SPTBN1: variants seen among roughly 807,000 people sequenced by gnomAD.
The protein encoded by SPTBN1 is spectrin beta chain, non-erythrocytic 1.
Under a neutral mutation model 266.4 loss-of-function variants are expected in SPTBN1, and 32 were observed. The observed-to-expected ratio is 0.12, with a 90% CI of 0.09 to 0.16. The LOEUF is 0.16. Among genes scored for constraint, SPTBN1 ranks in the 10% least tolerant of loss-of-function variants. The pLI is 1.00. For synonymous variants in SPTBN1, 1,336 were observed against 1,162.2 expected (o/e 1.15, Z -3.04); for missense variants, 2,296 against 3,067.1 (o/e 0.75, Z 5.94).
intron 2 of SPTBN1, among the ~76,000 whole-genome samples, chr2:54,547,873 G>T (rs573903887): frequency 1.3e-5 from 2 of 152,316 alleles, no homozygotes; most frequent in Admixed American, 6.5e-5. Flanking sequence ...GGCCAGGCGT[G>T]GTGGCTCACA....
At chr2:54,475,746 T>C (rs1327085520) in intron 1 of SPTBN1, among the ~76,000 whole-genome samples, 1 of 152,236 alleles carries the variant, frequency 6.6e-6, no homozygotes, top group Non-Finnish European at 1.5e-5. Context: ...GTGAAAAGAA[T>C]ACAGCCATCG....
chr2:54,633,702 T>C (rs1334242455), intron 17 of SPTBN1, among the ~76,000 whole-genome samples: 1 of 152,206 alleles, frequency 6.6e-6, no homozygotes, highest in Non-Finnish European at 1.5e-5. Flanking sequence ...TTTCTGCCTC[T>C]CTTCTGGCCT....
chr2:54,615,194 A>G (rs1677519459), intron 4 of SPTBN1, among the ~76,000 whole-genome samples: 2 of 152,172 alleles, frequency 1.3e-5, no homozygotes, highest in South Asian at 2.1e-4. Context: ...GAAAGTTTCT[A>G]ACTTTTTAAT....
intron 1 of SPTBN1, among the ~76,000 whole-genome samples, chr2:54,499,830 T>C (rs1307171780): frequency 6.6e-6 from 1 of 152,208 alleles, no homozygotes; most frequent in African/African-American, 2.4e-5. Context: ...TAGTACATAA[T>C]AATAAAACCC....
chr2:54,518,210 A>T (rs1670222836), intron 1 of SPTBN1, among the ~76,000 whole-genome samples: 1 of 151,890 alleles, frequency 6.6e-6, no homozygotes, highest in African/African-American at 2.4e-5. Flanking sequence ...ATTAAGAAAC[A>T]GTGGTTTCTT....
intron 2 of SPTBN1, among the ~76,000 whole-genome samples, chr2:54,559,713 GA>G (rs1673151663): frequency 6.6e-6 from 1 of 152,176 alleles, no homozygotes; most frequent in Non-Finnish European, 1.5e-5. Flanking sequence ...GTTCCTAACT[GA>G]AAACAGAACT....
Position 54,668,625 on chromosome 2 carries a change from GC to G in SPTBN1, c.*57del, listed in dbSNP as rs1271166109. 1 of 1,493,486 alleles carries G rather than the reference GC, an allele frequency of 6.7e-7. No individual in the cohort carries two copies. The highest frequency in any genetic ancestry group is 9.1e-7 in the Non-Finnish European group (1 of 1,100,666). 92.5% of individuals were successfully genotyped at this position (1,493,486 alleles called of 1,614,324 possible). Reference sequence around the variant, plus strand: ...TACCTTTTCAGTGAAATTCCAGCATGCAAGCTCAGAACCAACACATTACTCT... The same window carrying G: ...TACCTTTTCAGTGAAATTCCAGCATGAAGCTCAGAACCAACACATTACTCT... On this transcript the variant is annotated 3_prime_UTR_variant, in exon 36 of 36. Coordinates refer to ENST00000356805, the MANE Select transcript of SPTBN1 (RefSeq NM_003128.3).
At chr2:54,504,840 G>A (rs996082031) in intron 1 of SPTBN1, among the ~76,000 whole-genome samples, 1 of 152,106 alleles carries the variant, frequency 6.6e-6, no homozygotes, top group Non-Finnish European at 1.5e-5. Context: ...AAAGTAATTG[G>A]TTTAGTGATA....
chr2:54,487,948 G>C (rs1403617770), intron 1 of SPTBN1, among the ~76,000 whole-genome samples: 8 of 147,882 alleles, frequency 5.4e-5, no homozygotes, highest in African/African-American at 1.8e-4. Context: ...TCCTGCCTCA[G>C]CCTCCCAAGT....
chr2:54,633,466 C>T (rs539432482), intron 17 of SPTBN1, among the ~76,000 whole-genome samples: 37 of 151,492 alleles, frequency 2.4e-4, no homozygotes, highest in Admixed American at 2.3e-3. Context: ...ATTTCCTCCC[C>T]GGCTGGAGGC....
chr2:54,529,641 C>T (rs774239969), intron 2 of SPTBN1: 1 of 721,562 alleles, frequency 1.4e-6, no homozygotes, highest in Admixed American at 1.7e-5. Context: ...CTTGTGTTCA[C>T]TGTGGATGTT....
chr2:54,665,777 A>G (rs1681325998), intron 33 of SPTBN1, 138 bp from the exon 34 acceptor site: 3 of 1,014,576 alleles, frequency 3.0e-6, no homozygotes, highest in Non-Finnish European at 4.3e-6. Flanking sequence ...AAGGGCTTGT[A>G]ATAAGGAAGG....
rs761760096 is a variant in SPTBN1 at position 54,599,147 on chromosome 2, T to C, written c.204T>C (p.Leu68=). 2.0e-5 allele frequency: 33 copies of C among 1,614,102 alleles called. No individual in the cohort carries two copies. The highest frequency in any genetic ancestry group is 2.6e-5 in the Non-Finnish European group (31 of 1,180,050). ...KTFTKWVNSH[L]ARVSCRITDL... ...TCACCAAGTGGGTCAATTCCCACCT[T>C]GCCCGTGTGTCCTGCCGGATCACAG... The change falls in exon 3 of 36, where the codon CTT becomes CTC. Residue 68 remains leucine (L), a synonymous_variant. Coordinates refer to ENST00000356805, the MANE Select transcript of SPTBN1 (RefSeq NM_003128.3).
Position 54,649,443 on chromosome 2 carries a change from A to G in SPTBN1, c.5203-172A>G, listed in dbSNP as rs1484621214. 4 of 1,142,972 alleles carry G rather than the reference A, an allele frequency of 3.5e-6. No individual in the cohort carries two copies. The highest frequency in any genetic ancestry group is 2.4e-6 in the Non-Finnish European group (2 of 827,550). 70.8% of individuals were successfully genotyped at this position (1,142,972 alleles called of 1,614,324 possible). A position where few individuals can be genotyped will look rare whatever the true frequency, so the allele number is the denominator to read the frequency against. On this transcript the variant is annotated intron_variant, in intron 25 of 35. Transcript: ENST00000356805. The surrounding 1 kb of genome is among the most constrained non-coding windows in gnomAD (Gnocchi z 6.7). ...CTCACTCTGCTGCAGTGAGCAAGAA[A>G]GGAAACCCAGTTGCTAAGAGGTTCT...
intron 2 of SPTBN1, among the ~76,000 whole-genome samples, chr2:54,560,759 G>C (rs945543000): frequency 2.0e-5 from 3 of 152,096 alleles, no homozygotes; most frequent in Non-Finnish European, 4.4e-5. Flanking sequence ...TTTAGTGTTG[G>C]TATTTCTGTA....
intron 10 of SPTBN1, among the ~76,000 whole-genome samples, chr2:54,624,028 A>G (rs907430648): frequency 3.3e-5 from 5 of 152,274 alleles, no homozygotes; most frequent in African/African-American, 1.2e-4. Context: ...CATGCCTATT[A>G]TGCCTGCAGT....
At chr2:54,603,965 T>C (rs72920540) in intron 3 of SPTBN1, among the ~76,000 whole-genome samples, 6,869 of 152,324 alleles carry the variant, frequency 0.045, 405 homozygotes, top group African/African-American at 0.13. Context: ...TCCTCTGTCC[T>C]GCAACACCCT....
chr2:54,660,849 T>C (rs1680988698), intron 32 of SPTBN1: 2 of 985,466 alleles, frequency 2.0e-6, no homozygotes, highest in South Asian at 4.7e-5. Context: ...TGCTGGCACG[T>C]GGGACGCGGC....
intron 2 of SPTBN1, among the ~76,000 whole-genome samples, chr2:54,561,000 A>AT (rs1673259399): frequency 6.6e-6 from 1 of 152,186 alleles, no homozygotes; most frequent in African/African-American, 2.4e-5. Context: ...ATTATCACAT[A>AT]TTTTTGATAA....
Sources: gnomAD v4.1 joint callset for allele counts (sites outside exome capture counted in the v4.1 genomes callset) on GRCh38, gnomAD v4.1.1 for gene constraint, Gnocchi (gnomAD v3.1) non-coding constraint, MANE v1.5 for transcripts, NCBI Gene and HGNC (gene_info 2026-07-23, HGNC 2026-07-21) for gene names.